Variants in NPHP3 observed in about 807,000 individuals in gnomAD.
NPHP3 encodes the protein nephrocystin-3.
A neutral mutation model predicts 171.9 loss-of-function variants in NPHP3; 123 were observed. The observed-to-expected ratio is 0.72, with a 90% CI of 0.62 to 0.83. The LOEUF (loss-of-function observed/expected upper bound fraction) is 0.83. Among genes scored for constraint, NPHP3 ranks in the 40% least tolerant of loss-of-function variants. The probability of loss-of-function intolerance (pLI) is 0.00; values close to 1 mark genes in which losing one functional copy is unlikely to be tolerated. For missense variants in NPHP3, 1,506 were observed against 1,591.9 expected (o/e 0.95, Z 0.92); for synonymous variants, 558 against 579.2 (o/e 0.96, Z 0.52).
intron 6 of NPHP3, 69 bp downstream of exon 6, chr3:132,713,057 C>A: frequency 2.6e-6 from 2 of 771,452 alleles, no homozygotes; most frequent in Admixed American, 3.2e-5. Flanking sequence ...ATCTTTGAAG[C>A]TTATTTGGCA....
chr3:132,702,050 C>T (rs1186318108), intron 9 of NPHP3, among the ~76,000 whole-genome samples: 3 of 151,738 alleles, frequency 2.0e-5, no homozygotes, highest in Non-Finnish European at 2.9e-5. Context: ...AACAAACAAA[C>T]AAAAAATGGG....
intron 16 of NPHP3, 156 bp from the exon 17 acceptor site, chr3:132,692,974 A>T (rs1939338509): frequency 1.5e-6 from 1 of 670,086 alleles, no homozygotes; most frequent in Non-Finnish European, 2.6e-6. Context: ...ATTAAAACAC[A>T]CTGTCCAAAA....
Position 132,692,759 on chromosome 3 carries a change from G to C in NPHP3, c.2370C>G (p.Leu790=). 3.7e-6 allele frequency: 6 copies of C among 1,613,982 alleles called. No individual in the cohort carries two copies. Among genetic ancestry groups the C allele is most frequent in the Middle Eastern group, 1.7e-4 (1 of 6,060 alleles). ...AGAAAGTCCAGGACATCTCAGGATA[G>C]AGTTCCATCAGTTCTGATTCACTCA... is the stretch of plus-strand genomic sequence containing the variant. ...NGVSESELME[L]YPEMSWTFLT... is the part of the protein sequence containing the mutation. The change falls in exon 17 of 27, where the codon CTC becomes CTG. Residue 790 remains leucine, a synonymous_variant. Coordinates refer to ENST00000337331, the MANE Select transcript of NPHP3 (RefSeq NM_153240.5).
intron 9 of NPHP3, among the ~76,000 whole-genome samples, chr3:132,702,413 T>C (rs765683207): frequency 3.3e-5 from 5 of 152,216 alleles, no homozygotes; most frequent in Non-Finnish European, 5.9e-5. Context: ...GTGAGTTCAG[T>C]GTAAAGTCCA....
chr3:132,704,527 C>T (rs1289293451), intron 8 of NPHP3, among the ~76,000 whole-genome samples, 156 bp from the exon 9 acceptor site: 1 of 151,464 alleles, frequency 6.6e-6, no homozygotes, highest in African/African-American at 2.4e-5. Context: ...CTGATAACTA[C>T]AAAAAAATCA....
intron 25 of NPHP3, 65 bp downstream of exon 25, chr3:132,683,334 A>T (rs1939078139): frequency 2.9e-6 from 4 of 1,388,418 alleles, no homozygotes; most frequent in African/African-American, 1.4e-5. Context: ...TATCTAATTC[A>T]TGTTTACCTA....
intron 6 of NPHP3, among the ~76,000 whole-genome samples, chr3:132,709,534 T>C (rs918574989): frequency 6.6e-6 from 1 of 152,148 alleles, no homozygotes; most frequent in Non-Finnish European, 1.5e-5. Context: ...CCTCTCACCT[T>C]GGCCTCCCAA....
chr3:132,710,831 T>A (rs1222710786), intron 6 of NPHP3, among the ~76,000 whole-genome samples: 1 of 152,076 alleles, frequency 6.6e-6, no homozygotes, highest in Non-Finnish European at 1.5e-5. Flanking sequence ...CCTTCTCCAG[T>A]CAGTAACACC....
chr3:132,704,544 T>TA (rs1356956543), intron 8 of NPHP3, among the ~76,000 whole-genome samples, 173 bp from the exon 9 acceptor site: 1 of 152,124 alleles, frequency 6.6e-6, no homozygotes, highest in Non-Finnish European at 1.5e-5. Flanking sequence ...ATCACTAATT[T>TA]AAAAACAAAG....
intron 5 of NPHP3, among the ~76,000 whole-genome samples, chr3:132,714,565 AAT>A (rs1491011550): frequency 6.8e-6 from 1 of 147,532 alleles, no homozygotes; most frequent in African/African-American, 2.5e-5. Context: ...AAAAAAAAAA[AAT>A]AAATAAATTA....
chr3:132,720,178 T>C (rs1427042586), intron 1 of NPHP3, among the ~76,000 whole-genome samples: 1 of 152,268 alleles, frequency 6.6e-6, no homozygotes, highest in Non-Finnish European at 1.5e-5. Context: ...GGATAAGTAG[T>C]TCTAAGAGAC....
rs1216695143 is a variant in NPHP3, at chr3:132,684,549, C to T, written c.3570+5G>A. The T allele has an allele frequency of 2.1e-5, 34 of 1,613,728 alleles. No individual in the cohort carries two copies. The highest frequency in any genetic ancestry group is 2.9e-5 in the Non-Finnish European group (34 of 1,179,870). On this transcript the variant is annotated splice_donor_5th_base_variant and intron_variant, in intron 24 of 26. Transcript: ENST00000337331. ...AAACATGTAAGAATGTCAAAGCTTACTTACCATTTTCTTATACAAGATGGC... is the reference window on the plus strand; with the variant it reads ...AAACATGTAAGAATGTCAAAGCTTATTTACCATTTTCTTATACAAGATGGC...
intron 15 of NPHP3, among the ~76,000 whole-genome samples, chr3:132,696,002 T>C (rs1176453908): frequency 6.6e-6 from 1 of 152,220 alleles, no homozygotes; most frequent in East Asian, 1.9e-4. Flanking sequence ...TTATTTCAAA[T>C]TTGGTTCTCA....
intron 19 of NPHP3, 50 bp downstream of exon 19, chr3:132,690,478 C>A (rs369644092): frequency 1.6e-5 from 25 of 1,567,410 alleles, no homozygotes; most frequent in Non-Finnish European, 2.1e-5. Context: ...TTAAACTGAA[C>A]AACTTTAAAT....
At position 132,686,362 on chromosome 3, in the gene NPHP3, C is replaced by T. The variant is rs1215078454; in HGVS notation, c.3227G>A (p.Arg1076Gln). The change falls in exon 23 of 27, where the codon CGG (arginine) becomes CAG (glutamine). Residue 1076 changes from arginine to glutamine, a missense_variant. By Grantham distance (43) the Arg-to-Gln change is conservative (BLOSUM62 1). Around this residue, in one of 3 missense-constraint regions of NPHP3, gnomAD observed 569 missense variants for 648.1 expected, o/e 0.88. Coordinates refer to ENST00000337331, the MANE Select transcript of NPHP3 (RefSeq NM_153240.5). ...NLYGFALLRR[R>Q]ALQLEELTLG... The stretch of plus-strand genomic sequence containing the variant: ...TGTAAGCTCTTCTAACTGTAAAGCC[C>T]GTCTACGTAAAAGGGCAAATCCGTA... The T allele has an allele frequency of 4.3e-6, 7 of 1,613,888 alleles. No individual in the cohort carries two copies. Among genetic ancestry groups the T allele is most frequent in the East Asian group, 4.5e-5 (2 of 44,846 alleles).
Position 132,681,815 on chromosome 3 carries a change from C to T in NPHP3, c.*95G>A, listed in dbSNP as rs1939037995. 6 of 1,111,514 alleles carry T rather than the reference C, an allele frequency of 5.4e-6. No individual in the cohort carries two copies. The highest frequency in any genetic ancestry group is 2.0e-4 in the Middle Eastern group (1 of 5,038). 68.9% of individuals were successfully genotyped at this position (1,111,514 alleles called of 1,614,324 possible). ...AGTTAAATCACACGTAGTAAAATTTCGTACAACATTTTTTTAAAGTTTCAA... is the reference window on the plus strand; with the variant it reads ...AGTTAAATCACACGTAGTAAAATTTTGTACAACATTTTTTTAAAGTTTCAA... On this transcript the variant is annotated 3_prime_UTR_variant, in exon 27 of 27. Coordinates refer to ENST00000337331, the MANE Select transcript of NPHP3 (RefSeq NM_153240.5).
chr3:132,705,163 T>C (rs1939713092), intron 8 of NPHP3, among the ~76,000 whole-genome samples: 1 of 152,140 alleles, frequency 6.6e-6, no homozygotes, highest in South Asian at 2.1e-4. Flanking sequence ...ATAATCACTA[T>C]TACTATTTTT....
intron 6 of NPHP3, among the ~76,000 whole-genome samples, chr3:132,709,529 C>A (rs1162616539): frequency 6.6e-6 from 1 of 152,146 alleles, no homozygotes; most frequent in African/African-American, 2.4e-5. Context: ...GTGATCCTCT[C>A]ACCTTGGCCT....
Position 132,681,550 on chromosome 3 carries a change from G to A in NPHP3, c.*360C>T, listed in dbSNP as rs1939028365. On this transcript the variant is annotated 3_prime_UTR_variant, in exon 27 of 27. Transcript: ENST00000337331. ...CCCAAAGTGGTGGGATTACAGGCAT[G>A]AGCCACCATGCCTGGCCAAGATTCA... The A allele has an allele frequency of 1.0e-5, 3 of 291,384 alleles. No homozygotes were observed. Among genetic ancestry groups the A allele is most frequent in the Non-Finnish European group, 1.3e-5 (2 of 150,342 alleles). 18.0% of individuals were successfully genotyped at this position (291,384 alleles called of 1,614,324 possible). A position where few individuals can be genotyped will look rare whatever the true frequency, so the allele number is the denominator to read the frequency against.
Sources: allele counts gnomAD v4.1 joint callset (sites outside exome capture counted in the v4.1 genomes callset), GRCh38; gene constraint gnomAD v4.1.1; regional missense constraint gnomAD v4.1.1; transcripts MANE v1.5; gene names NCBI Gene and HGNC (gene_info 2026-07-23, HGNC 2026-07-21).